SUCLG2: variants seen among roughly 807,000 people sequenced by gnomAD.
The protein encoded by SUCLG2 is succinate--CoA ligase [GDP-forming] subunit beta, mitochondrial.
In SUCLG2, 42 loss-of-function variants were observed where a neutral mutation model predicts 47.9. The observed-to-expected ratio is 0.88, with a 90% confidence interval of 0.69 to 1.14. The LOEUF (loss-of-function observed/expected upper bound fraction) is 1.14, where lower values mean the gene tolerates loss of function less well. Among genes scored for constraint, SUCLG2 ranks in the 50% most tolerant of loss-of-function variants. The pLI, the probability that SUCLG2 is intolerant of heterozygous loss-of-function variation, is 0.00. For missense variants in SUCLG2, 571 were observed against 525.9 expected (o/e 1.09, Z -0.84); for synonymous variants, 195 against 197.3 (o/e 0.99, Z 0.10).
chr3:67,619,360 C>G (rs987222663), intron 1 of SUCLG2, among the ~76,000 whole-genome samples: 3 of 152,196 alleles, frequency 2.0e-5, no homozygotes, highest in Non-Finnish European at 4.4e-5. Flanking sequence ...CAGGGTGACA[C>G]AGCTGGTTGG....
chr3:67,563,013 T>C (rs1707349518), intron 2 of SUCLG2, among the ~76,000 whole-genome samples: 1 of 151,190 alleles, frequency 6.6e-6, no homozygotes, highest in South Asian at 2.1e-4. Context: ...AATTATATGT[T>C]TGATATAGCT....
intron 7 of SUCLG2, among the ~76,000 whole-genome samples, chr3:67,501,854 C>A (rs997244969): frequency 6.6e-6 from 1 of 152,092 alleles, no homozygotes; most frequent in African/African-American, 2.4e-5. Context: ...GCCCCATATA[C>A]CTCTTCATCT....
chr3:67,479,634 G>T (rs999738442), intron 9 of SUCLG2, among the ~76,000 whole-genome samples: 1 of 152,204 alleles, frequency 6.6e-6, no homozygotes, highest in Non-Finnish European at 1.5e-5. Flanking sequence ...GAAAGAAAGC[G>T]CTAAGAGTGA....
At chr3:67,602,019 G>A (rs1708431564) in intron 2 of SUCLG2, among the ~76,000 whole-genome samples, 1 of 117,644 alleles carries the variant, frequency 8.5e-6, no homozygotes, top group Non-Finnish European at 1.8e-5. Flanking sequence ...ATAAAAACAA[G>A]ATAATACATA....
chr3:67,531,339 C>T (rs920648543), intron 2 of SUCLG2, among the ~76,000 whole-genome samples: 2 of 152,130 alleles, frequency 1.3e-5, no homozygotes, highest in Non-Finnish European at 2.9e-5. Context: ...TTTTTCATAT[C>T]CTTGTCATCC....
At chr3:67,369,080 G>T (rs932804861) in intron 10 of SUCLG2, among the ~76,000 whole-genome samples, 1 of 152,050 alleles carries the variant, frequency 6.6e-6, no homozygotes, top group African/African-American at 2.4e-5. Flanking sequence ...TACTTTTTGT[G>T]ATTTATTGGT....
intron 5 of SUCLG2, among the ~76,000 whole-genome samples, chr3:67,518,550 T>G (rs563099100): frequency 2.0e-5 from 3 of 152,226 alleles, no homozygotes; most frequent in Non-Finnish European, 4.4e-5. Context: ...TATATAATTC[T>G]TCATGGTGGC....
chr3:67,365,850 A>G (rs1025975124), intron 10 of SUCLG2, among the ~76,000 whole-genome samples: 2 of 152,184 alleles, frequency 1.3e-5, no homozygotes, highest in Non-Finnish European at 2.9e-5. Flanking sequence ...AACTATAACG[A>G]AATATATTAA....
intron 8 of SUCLG2, among the ~76,000 whole-genome samples, chr3:67,497,546 T>C (rs567107642): frequency 6.6e-6 from 1 of 152,338 alleles, no homozygotes. Context: ...CATTTCATCC[T>C]TTGGTTATCA....
At chr3:67,621,971 C>G (rs1340825121) in intron 1 of SUCLG2, among the ~76,000 whole-genome samples, 1 of 152,146 alleles carries the variant, frequency 6.6e-6, no homozygotes, top group African/African-American at 2.4e-5. Context: ...GATCTTATAA[C>G]TTTCTTCCAT....
At chr3:67,583,704 T>C (rs1707937265) in intron 2 of SUCLG2, among the ~76,000 whole-genome samples, 1 of 152,202 alleles carries the variant, frequency 6.6e-6, no homozygotes, top group Non-Finnish European at 1.5e-5. Flanking sequence ...AGTGGCAGAA[T>C]TCAGTTCCTT....
chr3:67,443,983 G>A (rs1260542362), intron 9 of SUCLG2, among the ~76,000 whole-genome samples: 2 of 118,386 alleles, frequency 1.7e-5, no homozygotes, highest in Non-Finnish European at 1.9e-5. Flanking sequence ...CCCCCCGCCC[G>A]GCCAGCCGCC....
chr3:67,604,541 G>A (rs1030903784), intron 2 of SUCLG2, among the ~76,000 whole-genome samples: 1 of 152,038 alleles, frequency 6.6e-6, no homozygotes, highest in African/African-American at 2.4e-5. Context: ...CTGTTTCCTT[G>A]CTTGTAAAAT....
chr3:67,375,788 C>T lies in SUCLG2; in HGVS notation c.1255G>A (p.Glu419Lys). 1 of 1,613,914 alleles carries T rather than the reference C, an allele frequency of 6.2e-7. No individual in the cohort carries two copies. Among genetic ancestry groups the T allele is most frequent in the Admixed American group, 1.7e-5 (1 of 59,990 alleles). Residue 419 changes from glutamate to lysine, a missense_variant, in exon 11 of 11, where the codon GAG (glutamate) becomes AAG (lysine). Glu to Lys is a moderately conservative substitution (Grantham distance 56). Transcript: ENST00000307227. Reference sequence around the variant, plus strand: ...GCCACAGCCTTCTTGGCTGCATCCTCCAGGTCAATGGCTGAAGTAATGGGG... The same window carrying T: ...GCCACAGCCTTCTTGGCTGCATCCTTCAGGTCAATGGCTGAAGTAATGGGG... Reference protein sequence around the residue: ...GLPITSAIDLEDAAKKAVASV... With the variant: ...GLPITSAIDLKDAAKKAVASV...
chr3:67,623,154 G>A (rs1700763770), intron 1 of SUCLG2, among the ~76,000 whole-genome samples: 2 of 152,090 alleles, frequency 1.3e-5, no homozygotes, highest in Admixed American at 1.3e-4. Flanking sequence ...TCTCTGTGGT[G>A]GCAAAAGAGG....
At chr3:67,428,331 G>T (rs754483547) in intron 9 of SUCLG2, among the ~76,000 whole-genome samples, 4 of 152,206 alleles carry the variant, frequency 2.6e-5, no homozygotes, top group African/African-American at 4.8e-5. Flanking sequence ...CAGGCAAACA[G>T]GGTCTGGAGT....
chr3:67,491,245 A>G (rs546578266), intron 9 of SUCLG2, among the ~76,000 whole-genome samples: 39 of 151,256 alleles, frequency 2.6e-4, no homozygotes, highest in South Asian at 2.5e-3. Context: ...AAAAAAAAAA[A>G]AGAGAGAAAA....
At chr3:67,596,258 AC>A (rs1426402128) in intron 2 of SUCLG2, among the ~76,000 whole-genome samples, 1 of 152,176 alleles carries the variant, frequency 6.6e-6, no homozygotes, top group Non-Finnish European at 1.5e-5. Flanking sequence ...AACACAAGTA[AC>A]TAGCTTTACA....
At chr3:67,580,603 C>T (rs529405909) in intron 2 of SUCLG2, among the ~76,000 whole-genome samples, 4 of 152,262 alleles carry the variant, frequency 2.6e-5, no homozygotes, top group Middle Eastern at 3.4e-3. Context: ...AGAAATGAAG[C>T]CTGAGACAAC....
Sources: gnomAD v4.1 joint callset for allele counts (sites outside exome capture counted in the v4.1 genomes callset) on GRCh38, gnomAD v4.1.1 for gene constraint, MANE v1.5 for transcripts, NCBI Gene and HGNC (gene_info 2026-07-23, HGNC 2026-07-21) for gene names.